ITGAE: variants seen among roughly 807,000 people sequenced by gnomAD.
ITGAE encodes integrin alpha-E.
Under a neutral mutation model 136.5 loss-of-function variants are expected in ITGAE, and 99 were observed. The observed-to-expected ratio is 0.73, with a 90% CI of 0.62 to 0.86. ITGAE has a LOEUF of 0.86. Among genes scored for constraint, ITGAE ranks in the 40% least tolerant of loss-of-function variants. ITGAE has a pLI of 0.00. For synonymous variants in ITGAE, 613 were observed against 591.8 expected, an observed-to-expected ratio of 1.04 and a Z score of -0.52; for missense variants, 1,447 against 1,515.3, an observed-to-expected ratio of 0.95 and a Z score of 0.75.
chr17:3,759,121 T>C (rs1287858073), intron 8 of ITGAE, among the ~76,000 whole-genome samples: 1 of 120,684 alleles, frequency 8.3e-6, no homozygotes. Flanking sequence ...CAAGACTCCA[T>C]CTCAAAAAAA....
At chr17:3,797,743 G>A (rs1253863457) in intron 1 of ITGAE, among the ~76,000 whole-genome samples, 1 of 152,276 alleles carries the variant, frequency 6.6e-6, no homozygotes, top group South Asian at 2.1e-4. Context: ...TTTCAGGCGT[G>A]AGCCACCGTG....
At chr17:3,765,471 A>G (rs922958732) in intron 2 of ITGAE, among the ~76,000 whole-genome samples, 4 of 151,954 alleles carry the variant, frequency 2.6e-5, no homozygotes, top group Non-Finnish European at 4.4e-5. Flanking sequence ...CTATCACTCT[A>G]CATTTTAATA....
chr17:3,725,898 G>A lies in ITGAE; in HGVS notation c.3084+2021C>T, dbSNP rs879013486. 4.3e-6 allele frequency: 7 copies of A among 1,612,838 alleles called. No individual in the cohort carries two copies. Among genetic ancestry groups the A allele is most frequent in the Middle Eastern group, 1.6e-4 (1 of 6,062 alleles). ...GCACCGAGACTTACACTGGGGGAAC[G>A]TGCTCTTAAAGAAAACCAGCCTCAA... On this transcript the variant is annotated intron_variant, in intron 26 of 30. Transcript: ENST00000263087.
intron 8 of ITGAE, among the ~76,000 whole-genome samples, chr17:3,758,889 G>A (rs970378417): frequency 6.6e-6 from 1 of 151,516 alleles, no homozygotes; most frequent in African/African-American, 2.4e-5. Flanking sequence ...ACTTTGGGAG[G>A]CCGAGGCGGG....
At position 3,753,918 on chromosome 17, in the gene ITGAE, A is replaced by G. The variant is rs1285708310; in HGVS notation, c.1392T>C (p.Ala464=). The change falls in exon 13 of 31, where the codon GCT becomes GCC. Residue 464 remains alanine (A), a synonymous_variant. Transcript: ENST00000263087. ...TGCAGGTCTTGTGCAGCACGGCCAC[A>G]GCGTAACCTGGGGCAAGGGTGGTGT... ...EAAQYSYLGY[A]VAVLHKTCSL... 2 of 1,613,852 alleles carry G rather than the reference A, an allele frequency of 1.2e-6. No homozygotes were observed. The highest frequency in any genetic ancestry group is 1.7e-5 in the Admixed American group (1 of 60,020).
chr17:3,774,463 G>A (rs1426531904), intron 2 of ITGAE, among the ~76,000 whole-genome samples: 1 of 152,038 alleles, frequency 6.6e-6, no homozygotes, highest in Non-Finnish European at 1.5e-5. Flanking sequence ...AAACAACACA[G>A]CACTAGAAGT....
At chr17:3,791,879 G>GT (rs1460752663) in intron 1 of ITGAE, among the ~76,000 whole-genome samples, 5 of 152,272 alleles carry the variant, frequency 3.3e-5, no homozygotes, top group African/African-American at 1.2e-4. Context: ...TTCAGCTTGT[G>GT]TGGCAGGATC....
chr17:3,759,869 C>T (rs1019086533), intron 7 of ITGAE, among the ~76,000 whole-genome samples: 2 of 152,188 alleles, frequency 1.3e-5, no homozygotes, highest in African/African-American at 2.4e-5. Flanking sequence ...TTGAAAAATA[C>T]TTGCATGCAT....
intron 15 of ITGAE, among the ~76,000 whole-genome samples, chr17:3,751,296 G>C (rs1345499322): frequency 6.6e-6 from 1 of 151,926 alleles, no homozygotes; most frequent in Non-Finnish European, 1.5e-5. Context: ...GGAGGTGCTG[G>C]GTGGGAGACA....
chr17:3,783,539 T>C lies in ITGAE; in HGVS notation c.35-5879A>G, dbSNP rs373244172. Among the ~76,000 whole-genome samples, 31 of 152,388 alleles carry C rather than the reference T, an allele frequency of 2.0e-4. 1 individual carries two copies. The East Asian group carries it at 3.3e-3, about 16-fold the overall frequency. On this transcript the variant is annotated intron_variant, in intron 1 of 30. Coordinates refer to ENST00000263087, the MANE Select transcript of ITGAE (RefSeq NM_002208.5). ...AAACTGTATTTTTATATTCAAAGTA[T>C]TGTTTTTATTTATCTAAACTTGTTT...
intron 26 of ITGAE, chr17:3,725,362 G>T (rs947757387): frequency 1.9e-6 from 3 of 1,613,106 alleles, no homozygotes; most frequent in East Asian, 2.2e-5. Flanking sequence ...GTCCCCTTTA[G>T]CCATTGCCTT....
intron 2 of ITGAE, among the ~76,000 whole-genome samples, chr17:3,768,847 G>A (rs923703640): frequency 6.6e-6 from 1 of 152,144 alleles, no homozygotes; most frequent in Non-Finnish European, 1.5e-5. Flanking sequence ...CCAGGGTCTG[G>A]AGCAATGCCT....
intron 1 of ITGAE, among the ~76,000 whole-genome samples, chr17:3,800,050 C>A (rs756433115): frequency 1.5e-4 from 23 of 152,152 alleles, no homozygotes; most frequent in Non-Finnish European, 3.2e-4. Context: ...ACCTGGGAGG[C>A]AGAAGTTATG....
At position 3,759,406 on chromosome 17, in the gene ITGAE, C is replaced by T. The variant is rs1195498697; in HGVS notation, c.862G>A (p.Val288Ile). Residue 288 changes from valine (V) to isoleucine (I), a missense_variant, in exon 8 of 31, where the codon GTC becomes ATC. Around this residue, in one of 3 missense-constraint regions of ITGAE, gnomAD observed 310 missense variants for 416.1 expected, o/e 0.74. Transcript: ENST00000263087. ...VTKTASAMQH[V>I]LDSIFTSSHG... ...TCCTGCAGCCCCCACACTCACAAGA[C>T]GTGTTGCATGGCTGAGGCAGTCTTG... The T allele has an allele frequency of 3.7e-6, 6 of 1,613,380 alleles. No homozygotes were observed. Among genetic ancestry groups the T allele is most frequent in the South Asian group, 1.1e-5 (1 of 91,064 alleles).
intron 29 of ITGAE, among the ~76,000 whole-genome samples, chr17:3,719,502 A>G (rs970597389): frequency 6.6e-6 from 1 of 152,160 alleles, no homozygotes; most frequent in Non-Finnish European, 1.5e-5. Context: ...ATGAAAACAC[A>G]GGGTAACACA....
At chr17:3,752,816 G>A (rs1299129901) in intron 14 of ITGAE, among the ~76,000 whole-genome samples, 4 of 151,092 alleles carry the variant, frequency 2.6e-5, no homozygotes, top group South Asian at 2.1e-4. Flanking sequence ...TTGGGAGGCC[G>A]AGGTGGGTGG....
In ITGAE at chr17:3,798,928, T is replaced by A. The variant is rs1310335355; in HGVS notation, c.34+2183A>T. On this transcript the variant is annotated intron_variant, in intron 1 of 30. Coordinates refer to ENST00000263087, the MANE Select transcript of ITGAE (RefSeq NM_002208.5). The surrounding 1 kb of genome is among the most constrained non-coding windows in gnomAD (Gnocchi z 4.3). Reference sequence around the variant, plus strand: ...GTCTGCACCCAATGCTTCTAAAATCTCCCTTAGACAACTGCTATTATTCCG... The same window carrying A: ...GTCTGCACCCAATGCTTCTAAAATCACCCTTAGACAACTGCTATTATTCCG... Among the ~76,000 whole-genome samples, 1 of 152,092 alleles carries A rather than the reference T, an allele frequency of 6.6e-6. No homozygotes were observed. Among genetic ancestry groups the A allele is most frequent in the African/African-American group, 2.4e-5 (1 of 41,394 alleles).
At position 3,724,105 on chromosome 17, in the gene ITGAE, C is replaced by T. The variant is rs375269398; in HGVS notation, c.3085-361G>A. ...AGCAGCGACGCCAGCATCGGCGACCCCTCGCAGTCCGACGATCCTGACGAT... is the reference window on the plus strand; with the variant it reads ...AGCAGCGACGCCAGCATCGGCGACCTCTCGCAGTCCGACGATCCTGACGAT... On this transcript the variant is annotated intron_variant, in intron 26 of 30. Transcript: ENST00000263087. The T allele has an allele frequency of 8.8e-6, 14 of 1,594,506 alleles. No individual in the cohort carries two copies. In the East Asian group the frequency reaches 1.1e-4, roughly 13 times the overall value.
At chr17:3,751,235 T>A (rs577531900) in intron 15 of ITGAE, among the ~76,000 whole-genome samples, 1 of 149,984 alleles carries the variant, frequency 6.7e-6, no homozygotes, top group East Asian at 2.0e-4. Context: ...TGTTAATACA[T>A]GCAGTGTGAG....
Sources: gnomAD v4.1 joint callset for allele counts (sites outside exome capture counted in the v4.1 genomes callset) on GRCh38, gnomAD v4.1.1 for gene constraint, gnomAD v4.1.1 regional missense constraint, Gnocchi (gnomAD v3.1) non-coding constraint, MANE v1.5 for transcripts, NCBI Gene and HGNC (gene_info 2026-07-23, HGNC 2026-07-21) for gene names.